The following CNTN5 variants were observed in gnomAD, a reference collection of about 807,000 sequenced individuals.
CNTN5 encodes contactin-5.
CNTN5 carries 77 observed loss-of-function variants against 129.1 expected under a neutral mutation model. The ratio of observed to expected loss-of-function variants is 0.60; its 90% CI spans 0.50 to 0.72. CNTN5 has a LOEUF of 0.72. Among genes scored for constraint, CNTN5 ranks in the 30% least tolerant of loss-of-function variants. The pLI is 0.00. For missense variants in CNTN5, 1,478 were observed against 1,328.8 expected (o/e 1.11, Z -1.75); for synonymous variants, 509 against 465.6 (o/e 1.09, Z -1.20).
intron 8 of CNTN5, among the ~76,000 whole-genome samples, chr11:99,985,162 G>C (rs562841424): frequency 6.6e-6 from 1 of 152,090 alleles, no homozygotes; most frequent in Admixed American, 6.6e-5. Context: ...CAAGGGCAAA[G>C]GGTCAGTGTG....
intron 18 of CNTN5, among the ~76,000 whole-genome samples, chr11:100,294,673 T>C (rs2138874208): frequency 6.6e-6 from 1 of 151,802 alleles, no homozygotes; most frequent in Admixed American, 6.6e-5. Flanking sequence ...TTAAAGTAAA[T>C]ATGTATTTCT....
At chr11:100,230,391 C>T (rs749757667) in intron 16 of CNTN5, among the ~76,000 whole-genome samples, 64 of 152,142 alleles carry the variant, frequency 4.2e-4, no homozygotes, top group Non-Finnish European at 4.3e-4. Flanking sequence ...CTTTTAGACA[C>T]TGAAAAGCAG....
intron 1 of CNTN5, among the ~76,000 whole-genome samples, chr11:99,279,798 G>A: frequency 6.6e-6 from 1 of 151,554 alleles, no homozygotes; most frequent in East Asian, 1.9e-4. Flanking sequence ...ATTTTGTGAG[G>A]ATGCCAATCA....
At chr11:99,113,892 C>T (rs1216588281) in intron 1 of CNTN5, among the ~76,000 whole-genome samples, 3 of 152,152 alleles carry the variant, frequency 2.0e-5, no homozygotes, top group Non-Finnish European at 2.9e-5. Context: ...TCTTGTAACA[C>T]TCACCTAAGA....
At chr11:99,587,454 G>T (rs1295688675) in intron 3 of CNTN5, among the ~76,000 whole-genome samples, 1 of 152,210 alleles carries the variant, frequency 6.6e-6, no homozygotes, top group Non-Finnish European at 1.5e-5. Context: ...TCCCTGAAAA[G>T]AAGAGCAACC....
At chr11:99,644,466 ATAAT>A (rs1951877354) in intron 3 of CNTN5, among the ~76,000 whole-genome samples, 1 of 152,196 alleles carries the variant, frequency 6.6e-6, no homozygotes, top group African/African-American at 2.4e-5. Context: ...CTCAAGTCAA[ATAAT>A]TAATTCTTCC....
intron 9 of CNTN5, among the ~76,000 whole-genome samples, chr11:100,015,682 C>T (rs1940783358): frequency 6.6e-6 from 1 of 151,918 alleles, no homozygotes; most frequent in African/African-American, 2.4e-5. Flanking sequence ...TTATTCTGTA[C>T]TTTTTCAAGA....
intron 13 of CNTN5, among the ~76,000 whole-genome samples, chr11:100,099,887 T>A (rs1315458497): frequency 6.6e-6 from 1 of 152,086 alleles, no homozygotes; most frequent in Non-Finnish European, 1.5e-5. Context: ...TAATCTTCCA[T>A]ATCCAGTAGG....
At chr11:100,124,211 A>G (rs1283169398) in intron 13 of CNTN5, among the ~76,000 whole-genome samples, 3 of 152,088 alleles carry the variant, frequency 2.0e-5, no homozygotes, top group Non-Finnish European at 2.9e-5. Flanking sequence ...GAAGTAAGCA[A>G]CAAAGACAGA....
intron 2 of CNTN5, among the ~76,000 whole-genome samples, chr11:99,459,991 GA>G (rs944837443): frequency 4.0e-5 from 6 of 151,228 alleles, no homozygotes; most frequent in African/African-American, 1.2e-4. Context: ...TATTTTAAAG[GA>G]AAAAAAACTG....
At chr11:99,157,732 T>C (rs1313034549) in intron 1 of CNTN5, among the ~76,000 whole-genome samples, 1 of 152,150 alleles carries the variant, frequency 6.6e-6, no homozygotes. Context: ...GCTTGAGAAA[T>C]ATTTCATTTC....
At chr11:99,301,333 C>T (rs1041620955) in intron 1 of CNTN5, among the ~76,000 whole-genome samples, 3 of 151,056 alleles carry the variant, frequency 2.0e-5, no homozygotes, top group Non-Finnish European at 4.4e-5. Context: ...AAAAAAGGTC[C>T]AAGATTTACA....
At chr11:99,061,515 T>G (rs989226978) in intron 1 of CNTN5, among the ~76,000 whole-genome samples, 1 of 152,104 alleles carries the variant, frequency 6.6e-6, no homozygotes, top group African/African-American at 2.4e-5. Flanking sequence ...TTCTACCTAT[T>G]GCTGCTGTAA....
At chr11:99,733,382 C>G (rs2048516) in intron 3 of CNTN5, among the ~76,000 whole-genome samples, 35,288 of 136,962 alleles carry the variant, frequency 0.26, 4,634 homozygotes, top group South Asian at 0.32. Context: ...GCTGGTTTCA[C>G]TATGTCTCAT....
intron 7 of CNTN5, among the ~76,000 whole-genome samples, chr11:99,921,677 A>C (rs1949942974): frequency 6.6e-6 from 1 of 152,198 alleles, no homozygotes; most frequent in Non-Finnish European, 1.5e-5. Context: ...TTCTACTAAG[A>C]CATAAATTCT....
intron 2 of CNTN5, among the ~76,000 whole-genome samples, chr11:99,388,869 G>A (rs1424498957): frequency 6.6e-6 from 1 of 152,034 alleles, no homozygotes; most frequent in Non-Finnish European, 1.5e-5. Context: ...CATACACAGT[G>A]CATAATACCC....
chr11:99,760,804 A>G (rs1473186390), intron 3 of CNTN5, among the ~76,000 whole-genome samples: 4 of 152,132 alleles, frequency 2.6e-5, no homozygotes, highest in African/African-American at 9.7e-5. Flanking sequence ...TAAGTTAAGA[A>G]TAAATAGTGA....
rs200128316 is a variant in CNTN5 at position 100,061,371 on chromosome 11, T to A, written c.1140T>A (p.Phe380Leu). The A allele has an allele frequency of 1.9e-6, 3 of 1,598,858 alleles. No individual in the cohort carries two copies. Among genetic ancestry groups the A allele is most frequent in the African/African-American group, 1.3e-5 (1 of 74,786 alleles). Reference sequence around the variant, plus strand: ...AAAACTCACGTGGAAAAAATTCCTTTCGTGGACAATTACAAGTATACAGTA... The same window carrying A: ...AAAACTCACGTGGAAAAAATTCCTTACGTGGACAATTACAAGTATACAGTA... ...RAENSRGKNS[F>L]RGQLQVYTYP... Residue 380 changes from phenylalanine to leucine, a missense_variant, in exon 10 of 25, where the codon TTT becomes TTA. Coordinates refer to ENST00000524871, the MANE Select transcript of CNTN5 (RefSeq NM_014361.4).
At position 100,299,343 on chromosome 11, in the gene CNTN5, A is replaced by G. The variant is rs1951169129; in HGVS notation, c.2567A>G (p.Asn856Ser). Residue 856 changes from asparagine to serine, a missense_variant, in exon 20 of 25, where the codon AAT becomes AGT. Coordinates refer to ENST00000524871, the MANE Select transcript of CNTN5 (RefSeq NM_014361.4). ...PFEVKVGVYN[N>S]KGDGPFSQIV... ...GAAGTGAAAGTTGGCGTTTATAACAATAAAGGAGATGGGCCTTTTAGTCAA... is the reference window on the plus strand; with the variant it reads ...GAAGTGAAAGTTGGCGTTTATAACAGTAAAGGAGATGGGCCTTTTAGTCAA... 1 of 1,610,324 alleles carries G rather than the reference A, an allele frequency of 6.2e-7. No homozygotes were observed. Among genetic ancestry groups the G allele is most frequent in the Non-Finnish European group, 8.5e-7 (1 of 1,177,500 alleles).
Sources: allele counts gnomAD v4.1 joint callset (sites outside exome capture counted in the v4.1 genomes callset), GRCh38; gene constraint gnomAD v4.1.1; transcripts MANE v1.5; gene names NCBI Gene and HGNC (gene_info 2026-07-23, HGNC 2026-07-21).